Variants in ZBTB16 observed in about 807,000 individuals in gnomAD.
ZBTB16 encodes the protein zinc finger and BTB domain containing 16.
Under a neutral mutation model 56.8 loss-of-function variants are expected in ZBTB16, and 8 were observed. The observed-to-expected ratio is 0.14, with a 90% CI of 0.08 to 0.25. The LOEUF is 0.25. ZBTB16 is among the 10% of genes least tolerant of loss of function. The pLI, the probability that ZBTB16 is intolerant of heterozygous loss-of-function variation, is 1.00. For synonymous variants in ZBTB16, 363 were observed against 368.5 expected (o/e 0.98, Z 0.17); for missense variants, 625 against 903.0 (o/e 0.69, Z 3.95).
At chr11:114,068,255 A>G (rs563952031) in intron 2 of ZBTB16, among the ~76,000 whole-genome samples, 83 of 152,218 alleles carry the variant, frequency 5.5e-4, no homozygotes, top group Non-Finnish European at 6.3e-4. Flanking sequence ...GGGGGGCAGA[A>G]GGGAATGGAG....
At chr11:114,168,311 G>C (rs1942849859) in intron 3 of ZBTB16, among the ~76,000 whole-genome samples, 3 of 152,224 alleles carry the variant, frequency 2.0e-5, no homozygotes. Context: ...AAGGATGGAA[G>C]GCGGGGACCT....
chr11:114,207,355 T>A (rs1943903073), intron 4 of ZBTB16, among the ~76,000 whole-genome samples: 1 of 152,080 alleles, frequency 6.6e-6, no homozygotes, highest in Non-Finnish European at 1.5e-5. Flanking sequence ...CCCAGGAGAT[T>A]CCTATGGATA....
At chr11:114,107,650 G>T (rs190638269) in intron 2 of ZBTB16, among the ~76,000 whole-genome samples, 1 of 152,142 alleles carries the variant, frequency 6.6e-6, no homozygotes, top group Non-Finnish European at 1.5e-5. Flanking sequence ...GGGTGGGTGC[G>T]CAACATTGAC....
chr11:114,150,360 C>A (rs186221289), intron 2 of ZBTB16, among the ~76,000 whole-genome samples: 1 of 152,160 alleles, frequency 6.6e-6, no homozygotes, highest in Non-Finnish European at 1.5e-5. Context: ...CTAGTCTGGG[C>A]GTGGTGGCTC....
chr11:114,146,489 A>G (rs1942106998), intron 2 of ZBTB16, among the ~76,000 whole-genome samples: 1 of 152,086 alleles, frequency 6.6e-6, no homozygotes, highest in Non-Finnish European at 1.5e-5. Flanking sequence ...GGTTGAGATG[A>G]TCCTCAGGAA....
intron 4 of ZBTB16, among the ~76,000 whole-genome samples, chr11:114,241,188 A>T (rs905840841): frequency 1.3e-5 from 2 of 152,012 alleles, no homozygotes; most frequent in African/African-American, 4.8e-5. Flanking sequence ...ATACTTGTTG[A>T]GTGAATGGAC....
Position 114,201,537 on chromosome 11 carries a change from C to G in ZBTB16, c.1453+14499C>G, listed in dbSNP as rs937320287. Among the ~76,000 whole-genome samples, 3 of 152,294 alleles carry G rather than the reference C, an allele frequency of 2.0e-5. No homozygotes were observed. In the East Asian group the frequency reaches 5.8e-4, roughly 29 times the overall value. ...CTTTGGCCTTTATGTACCAAAGTTT[C>G]TAAGCTTTCCTTAGGGATGCTGATT... On this transcript the variant is annotated intron_variant, in intron 4 of 6. Transcript: ENST00000335953.
chr11:114,175,859 G>T (rs1263137844), intron 3 of ZBTB16, among the ~76,000 whole-genome samples: 27 of 152,022 alleles, frequency 1.8e-4, no homozygotes, highest in Non-Finnish European at 8.8e-5. Context: ...GCAGGGCCAG[G>T]TTATCAGCTT....
At chr11:114,079,215 T>C (rs1939678136) in intron 2 of ZBTB16, among the ~76,000 whole-genome samples, 1 of 152,216 alleles carries the variant, frequency 6.6e-6, no homozygotes, top group Non-Finnish European at 1.5e-5. Flanking sequence ...AGCCCCTGTT[T>C]ACTTTTCTTT....
chr11:114,199,898 G>A (rs563564971), intron 4 of ZBTB16, among the ~76,000 whole-genome samples: 3 of 152,190 alleles, frequency 2.0e-5, no homozygotes, highest in Admixed American at 6.5e-5. Flanking sequence ...GGAGGCCGAG[G>A]TGGGCGGATC....
chr11:114,085,054 C>T (rs185258688), intron 2 of ZBTB16, among the ~76,000 whole-genome samples: 101 of 152,312 alleles, frequency 6.6e-4, no homozygotes, highest in Non-Finnish European at 1.2e-3. Flanking sequence ...TAGTGACCCT[C>T]AGGAATTCTT....
In ZBTB16 at chr11:114,250,225, C is replaced by A; in HGVS notation, c.1793-101C>A. ...GAAAGTTCTGTTGGAGCAAGCCCAG[C>A]TGGAGGAACCCAGCTTCCCTGGCAC... On this transcript the variant is annotated intron_variant, in intron 6 of 6. Transcript: ENST00000335953. This position sits in a 1 kb window ranked among gnomAD's most constrained non-coding sequence, Gnocchi z 6.0. 1.5e-6 allele frequency: 2 copies of A among 1,364,284 alleles called. No individual in the cohort carries two copies. The highest frequency in any genetic ancestry group is 2.1e-6 in the Non-Finnish European group (2 of 968,758). The allele number at this position is 1,364,284 out of a possible 1,614,324, so 84.5% of individuals were successfully genotyped here.
intron 2 of ZBTB16, among the ~76,000 whole-genome samples, chr11:114,154,433 T>C (rs1942352984): frequency 2.0e-5 from 3 of 152,162 alleles, no homozygotes; most frequent in Admixed American, 2.0e-4. Flanking sequence ...TGCCACTCTA[T>C]AGAAGAACAT....
Position 114,250,560 on chromosome 11 carries a change from A to G in ZBTB16, c.*5A>G. On this transcript the variant is annotated 3_prime_UTR_variant, in exon 7 of 7. Transcript: ENST00000335953. This position sits in a 1 kb window ranked among gnomAD's most constrained non-coding sequence, Gnocchi z 6.0. ...CTCTACCTGTGCTATGTGTGAAGGG[A>G]GGCCCGCGGCGGTGGAGCCGAGCGG... 1 of 1,613,894 alleles carries G rather than the reference A, an allele frequency of 6.2e-7. No individual in the cohort carries two copies.
intron 2 of ZBTB16, among the ~76,000 whole-genome samples, chr11:114,074,369 C>G (rs934803040): frequency 2.0e-5 from 3 of 152,212 alleles, no homozygotes; most frequent in African/African-American, 4.8e-5. Context: ...AGTGCTGGGG[C>G]AACCATTATT....
intron 2 of ZBTB16, among the ~76,000 whole-genome samples, chr11:114,119,499 T>C (rs988427317): frequency 1.3e-5 from 2 of 152,024 alleles, no homozygotes; most frequent in Admixed American, 6.6e-5. Flanking sequence ...CTATTCTCAA[T>C]GAGGCCCAGC....
intron 2 of ZBTB16, among the ~76,000 whole-genome samples, chr11:114,090,599 A>G (rs1469381935): frequency 6.6e-6 from 1 of 152,144 alleles, no homozygotes; most frequent in African/African-American, 2.4e-5. Context: ...AGAGCTTCCA[A>G]ATGTGTGGCT....
chr11:114,196,991 C>T (rs1388270575), intron 4 of ZBTB16, among the ~76,000 whole-genome samples: 1 of 152,120 alleles, frequency 6.6e-6, no homozygotes, highest in Non-Finnish European at 1.5e-5. Context: ...TCTTCCCTCC[C>T]TGTGGGGGCC....
At chr11:114,079,729 G>A (rs772709061) in intron 2 of ZBTB16, among the ~76,000 whole-genome samples, 2 of 152,192 alleles carry the variant, frequency 1.3e-5, no homozygotes, top group African/African-American at 2.4e-5. Context: ...TGTCTGACTC[G>A]GAAGGCAGAT....
Sources: gnomAD v4.1 joint callset for allele counts (sites outside exome capture counted in the v4.1 genomes callset) on GRCh38, gnomAD v4.1.1 for gene constraint, Gnocchi (gnomAD v3.1) non-coding constraint, MANE v1.5 for transcripts, NCBI Gene and HGNC (gene_info 2026-07-23, HGNC 2026-07-21) for gene names.